Variants in PCDHGA2 observed in about 807,000 individuals in gnomAD.
PCDHGA2 encodes the protein protocadherin gamma-A2.
In PCDHGA2, 40 loss-of-function variants were observed where a neutral mutation model predicts 59.2. The ratio of observed to expected loss-of-function variants is 0.68; its 90% CI spans 0.52 to 0.88. The LOEUF is 0.88. Among genes scored for constraint, PCDHGA2 ranks in the 40% least tolerant of loss-of-function variants. The probability of loss-of-function intolerance (pLI) is 0.00; values close to 1 mark genes in which losing one functional copy is unlikely to be tolerated. For missense variants in PCDHGA2, 1,226 were observed against 1,204.0 expected (o/e 1.02, Z -0.27); for synonymous variants, 560 against 526.0 (o/e 1.06, Z -0.89).
chr5:141,416,747 T>A (rs920641906), intron 1 of PCDHGA2: 2 of 152,240 alleles, frequency 1.3e-5, no homozygotes, highest in African/African-American at 4.8e-5. Flanking sequence ...AATAGTGACG[T>A]ATTAGGTAGA....
chr5:141,422,432 A>G, intron 1 of PCDHGA2: 1 of 1,609,448 alleles, frequency 6.2e-7, no homozygotes, highest in Non-Finnish European at 8.5e-7. Context: ...TATGGAAATT[A>G]TTACAAATTG....
chr5:141,399,958 G>A (rs2093927763), intron 1 of PCDHGA2: 5 of 1,612,004 alleles, frequency 3.1e-6, no homozygotes, highest in Non-Finnish European at 4.2e-6. Context: ...TAGCGAGCCC[G>A]GGCTCTTCAG....
At chr5:141,355,502 A>C in intron 1 of PCDHGA2, 1 of 1,614,064 alleles carries the variant, frequency 6.2e-7, no homozygotes, top group Non-Finnish European at 8.5e-7. Flanking sequence ...AGATCTCCAA[A>C]CTGTGTGACA....
chr5:141,381,826 C>CTTTTTTTTTTTTTTT (rs770630741), intron 1 of PCDHGA2, among the ~76,000 whole-genome samples: 9 of 74,290 alleles, frequency 1.2e-4, no homozygotes, highest in Middle Eastern at 7.9e-3. Flanking sequence ...CTTTCTTCTT[C>CTTTTTTTTTTTTTTT]TTTTTTTTTT....
In PCDHGA2 at chr5:141,419,703, G is replaced by C. The variant is rs2096418539; in HGVS notation, c.2425-75104G>C. 1 of 1,612,946 alleles carries C rather than the reference G, an allele frequency of 6.2e-7. No individual in the cohort carries two copies. The highest frequency in any genetic ancestry group is 1.3e-5 in the African/African-American group (1 of 74,946). The stretch of plus-strand genomic sequence containing the variant: ...CACGTGGTGCAGGCCAGTGAGCCCG[G>C]GCTCTTCAGCCTGGGGCTGCGAACA... On this transcript the variant is annotated intron_variant, in intron 1 of 3. Coordinates refer to ENST00000394576, the MANE Select transcript of PCDHGA2 (RefSeq NM_018915.4).
rs762238827 is a variant in PCDHGA2 at position 141,487,202 on chromosome 5, C to T, written c.2425-7605C>T. ...CACTCATCCAGTTGTCCCAGATCTT[C>T]GAGAATCTTCAGCTCCAAGGGAAGG... On this transcript the variant is annotated intron_variant, in intron 1 of 3. Coordinates refer to ENST00000394576, the MANE Select transcript of PCDHGA2 (RefSeq NM_018915.4). This position sits in a 1 kb window ranked among gnomAD's most constrained non-coding sequence, Gnocchi z 5.0. 7 of 1,613,660 alleles carry T rather than the reference C, an allele frequency of 4.3e-6. No homozygotes were observed. The highest frequency in any genetic ancestry group is 1.7e-5 in the Admixed American group (1 of 59,992).
chr5:141,387,978 C>T, intron 1 of PCDHGA2: 1 of 1,487,640 alleles, frequency 6.7e-7, no homozygotes, highest in Non-Finnish European at 9.1e-7. Flanking sequence ...GCTCTGTGAG[C>T]AGATCCGCTA....
intron 1 of PCDHGA2, chr5:141,361,052 A>G: frequency 6.2e-7 from 1 of 1,613,800 alleles, no homozygotes; most frequent in Non-Finnish European, 8.5e-7. Context: ...ACAAAGGATG[A>G]TTTGGATTTT....
intron 1 of PCDHGA2, chr5:141,492,073 G>C (rs2099736846): frequency 6.2e-6 from 3 of 480,898 alleles, no homozygotes; most frequent in Non-Finnish European, 1.1e-5. Flanking sequence ...CCTAGGCGCC[G>C]GCTCCGGCAC....
intron 1 of PCDHGA2, chr5:141,428,594 G>T (rs1317075888): frequency 4.4e-6 from 1 of 227,916 alleles, no homozygotes; most frequent in Admixed American, 5.2e-5. Context: ...CTGGTAGCAA[G>T]CTTCACTGAA....
chr5:141,388,109 C>T, intron 1 of PCDHGA2: 2 of 1,404,160 alleles, frequency 1.4e-6, no homozygotes, highest in Non-Finnish European at 2.0e-6. Context: ...AGCCTTACTT[C>T]ACCGTGAGCG....
In PCDHGA2 at chr5:141,476,776, G is replaced by A. The variant is rs764674164; in HGVS notation, c.2425-18031G>A. 9.3e-6 allele frequency: 15 copies of A among 1,612,744 alleles called. No homozygotes were observed. The highest frequency in any genetic ancestry group is 1.3e-5 in the Non-Finnish European group (15 of 1,179,218). On this transcript the variant is annotated intron_variant, in intron 1 of 3. Coordinates refer to ENST00000394576, the MANE Select transcript of PCDHGA2 (RefSeq NM_018915.4). This position sits in a 1 kb window ranked among gnomAD's most constrained non-coding sequence, Gnocchi z 7.6. ...TAGTGCTGACGGCGTTGGACGGAGG[G>A]ACCCCAGCTCTCTCCGCCAGCCTGC...
chr5:141,470,836 C>T lies in PCDHGA2; in HGVS notation c.2425-23971C>T, dbSNP rs577375498. On this transcript the variant is annotated intron_variant, in intron 1 of 3. Transcript: ENST00000394576. ...CTGAGTAGTTAGGACGACAAACACA[C>T]GCCACCATGCTCAGATAAGTTTTTT... 2.6e-5 allele frequency among the ~76,000 whole-genome samples: 4 copies of T among 152,176 alleles called. No homozygotes were observed. The East Asian group carries it at 5.8e-4, about 22-fold the overall frequency.
chr5:141,505,591 G>C (rs2099846959), intron 3 of PCDHGA2, 110 bp downstream of exon 3: 2 of 1,570,280 alleles, frequency 1.3e-6, no homozygotes, highest in African/African-American at 2.7e-5. Flanking sequence ...AGTTTCTCCA[G>C]ATCTTTCGGC....
intron 1 of PCDHGA2, chr5:141,484,855 G>T (rs1178318896): frequency 3.9e-6 from 1 of 257,336 alleles, no homozygotes; most frequent in East Asian, 8.3e-5. Context: ...GTTTTTTGGG[G>T]GGTGGGGGAG....
At chr5:141,393,609 G>A (rs1428368601) in intron 1 of PCDHGA2, 2 of 1,613,940 alleles carry the variant, frequency 1.2e-6, no homozygotes, top group South Asian at 2.2e-5. Context: ...TACTGTAACA[G>A]CCAGCGACCC....
chr5:141,352,078 G>C, intron 1 of PCDHGA2: 1 of 1,605,160 alleles, frequency 6.2e-7, no homozygotes, highest in Non-Finnish European at 8.5e-7. Context: ...ACGTGCTGCA[G>C]GCCAGCGAGC....
chr5:141,486,175 C>T lies in PCDHGA2; in HGVS notation c.2425-8632C>T. ...GTTCTCCAGCCATGGAGCAACATTG[C>T]AGCCTTCGAGTGGATCTGCTGGACG... On this transcript the variant is annotated intron_variant, in intron 1 of 3. Transcript: ENST00000394576. The surrounding 1 kb of genome is among the most constrained non-coding windows in gnomAD (Gnocchi z 5.0). 1 of 1,614,210 alleles carries T rather than the reference C, an allele frequency of 6.2e-7. No individual in the cohort carries two copies.
intron 1 of PCDHGA2, among the ~76,000 whole-genome samples, chr5:141,386,684 T>A (rs1216561775): frequency 6.6e-6 from 1 of 152,098 alleles, no homozygotes; most frequent in African/African-American, 2.4e-5. Flanking sequence ...AGATGTACAA[T>A]CACTTGGGGT....
Sources: allele counts gnomAD v4.1 joint callset (sites outside exome capture counted in the v4.1 genomes callset), GRCh38; gene constraint gnomAD v4.1.1; non-coding constraint Gnocchi (gnomAD v3.1); transcripts MANE v1.5; gene names NCBI Gene and HGNC (gene_info 2026-07-23, HGNC 2026-07-21).